Variants in FNIP1 observed in about 807,000 individuals in gnomAD.
FNIP1 encodes folliculin interacting protein 1.
FNIP1 carries 40 observed loss-of-function variants against 124.5 expected under a neutral mutation model. The observed-to-expected ratio is 0.32, with a 90% CI of 0.25 to 0.42. The LOEUF (loss-of-function observed/expected upper bound fraction) is 0.42, where lower values mean the gene tolerates loss of function less well. FNIP1 is among the 10% of genes least tolerant of loss of function. FNIP1 has a pLI of 1.00. For missense variants in FNIP1, 1,176 were observed against 1,403.7 expected (o/e 0.84, Z 2.59); for synonymous variants, 472 against 470.6 (o/e 1.00, Z -0.04).
At chr5:131,690,528 C>T (rs181780797) in intron 11 of FNIP1, among the ~76,000 whole-genome samples, 55 of 152,214 alleles carry the variant, frequency 3.6e-4, no homozygotes, top group African/African-American at 1.2e-3. Context: ...CCCCTTCGCT[C>T]GGCACTTTTC....
chr5:131,698,176 A>G (rs1257814783), intron 11 of FNIP1, among the ~76,000 whole-genome samples: 3 of 152,204 alleles, frequency 2.0e-5, no homozygotes, highest in African/African-American at 7.2e-5. Flanking sequence ...CACCAGAGGT[A>G]GTAAATGACA....
At chr5:131,773,739 A>G (rs1463595935) in intron 1 of FNIP1, among the ~76,000 whole-genome samples, 1 of 152,190 alleles carries the variant, frequency 6.6e-6, no homozygotes, top group Non-Finnish European at 1.5e-5. Context: ...TCTGACAACT[A>G]TCTCAACATA....
At chr5:131,765,588 A>C (rs575013142) in intron 1 of FNIP1, among the ~76,000 whole-genome samples, 1 of 152,376 alleles carries the variant, frequency 6.6e-6, no homozygotes, top group South Asian at 2.1e-4. Context: ...CATTTTAAAG[A>C]ATATTAAACC....
chr5:131,718,945 TC>T (rs768435008), intron 5 of FNIP1, 40 bp downstream of exon 5: 1 of 1,547,610 alleles, frequency 6.5e-7, no homozygotes, highest in East Asian at 2.3e-5. Flanking sequence ...ACTTTGCACA[TC>T]TAAAGTGATA....
intron 15 of FNIP1, among the ~76,000 whole-genome samples, chr5:131,660,144 G>A (rs149655145): frequency 7.2e-5 from 11 of 152,072 alleles, no homozygotes; most frequent in African/African-American, 1.7e-4. Flanking sequence ...GTGGATGGGC[G>A]GCAGAGTGGT....
rs1766763407 is a variant in FNIP1, at chr5:131,643,022, A to C, written c.*1663T>G. 6.6e-6 allele frequency: 1 copy of C among 152,352 alleles called. No homozygotes were observed. Among genetic ancestry groups the C allele is most frequent in the Non-Finnish European group, 1.5e-5 (1 of 68,048 alleles). 9.4% of individuals were successfully genotyped at this position (152,352 alleles called of 1,614,324 possible). Reference sequence around the variant, plus strand: ...ACAGAATAAGAAAATTAAGCCAAAGAAAATATATCCACAAACACTCCTTGG... The same window carrying C: ...ACAGAATAAGAAAATTAAGCCAAAGCAAATATATCCACAAACACTCCTTGG... On this transcript the variant is annotated 3_prime_UTR_variant, in exon 18 of 18. Coordinates refer to ENST00000510461, the MANE Select transcript of FNIP1 (RefSeq NM_133372.3).
In FNIP1 at chr5:131,676,297, G is replaced by C. The variant is rs1767910262; in HGVS notation, c.1519+1406C>G. The stretch of plus-strand genomic sequence containing the variant: ...CAAAGTGCTGAGATTACAGGCGTGA[G>C]CCACTGCACCCAGCCATTGTTTTGT... On this transcript the variant is annotated intron_variant, in intron 13 of 17. Coordinates refer to ENST00000510461, the MANE Select transcript of FNIP1 (RefSeq NM_133372.3). Among the ~76,000 whole-genome samples, 2 of 152,134 alleles carry C rather than the reference G, an allele frequency of 1.3e-5. 1 individual carries two copies. Among genetic ancestry groups the C allele is most frequent in the South Asian group, 4.1e-4 (2 of 4,828 alleles).
At chr5:131,732,875 G>C (rs947824653) in intron 2 of FNIP1, among the ~76,000 whole-genome samples, 1 of 152,190 alleles carries the variant, frequency 6.6e-6, no homozygotes, top group African/African-American at 2.4e-5. Context: ...GAAAGTCATT[G>C]ATAGCTTGAT....
chr5:131,716,676 A>G lies in FNIP1; in HGVS notation c.531-20T>C. 6.9e-7 allele frequency: 1 copy of G among 1,448,370 alleles called. No homozygotes were observed. Among genetic ancestry groups the G allele is most frequent in the East Asian group, 2.4e-5 (1 of 41,946 alleles). 89.7% of individuals were successfully genotyped at this position (1,448,370 alleles called of 1,614,324 possible). A position where few individuals can be genotyped will look rare whatever the true frequency, so the allele number is the denominator to read the frequency against. On this transcript the variant is annotated intron_variant, in intron 5 of 17. Coordinates refer to ENST00000510461, the MANE Select transcript of FNIP1 (RefSeq NM_133372.3). ...TGTAGCCTATGGAGGGTGAGAAGAA[A>G]ATTAATTCCAAATTCATTTTATGGT... is the stretch of plus-strand genomic sequence containing the variant.
At chr5:131,669,916 TC>T (rs1767702550) in intron 15 of FNIP1, among the ~76,000 whole-genome samples, 1 of 69,414 alleles carries the variant, frequency 1.4e-5, no homozygotes, top group Admixed American at 1.6e-4. Context: ...GTACAATGAG[TC>T]AAAAAAAAAA....
intron 1 of FNIP1, among the ~76,000 whole-genome samples, chr5:131,759,959 C>A (rs1771171116): frequency 6.6e-6 from 1 of 152,172 alleles, no homozygotes; most frequent in African/African-American, 2.4e-5. Flanking sequence ...CGGCTGGAAG[C>A]CATAATCCTA....
At chr5:131,781,433 T>A (rs552161731) in intron 1 of FNIP1, among the ~76,000 whole-genome samples, 61 of 152,346 alleles carry the variant, frequency 4.0e-4, no homozygotes, top group African/African-American at 1.4e-3. Context: ...GCTTCCAAGC[T>A]TTAAAGGACA....
At chr5:131,770,563 A>T (rs1189687863) in intron 1 of FNIP1, among the ~76,000 whole-genome samples, 1 of 152,204 alleles carries the variant, frequency 6.6e-6, no homozygotes, top group Non-Finnish European at 1.5e-5. Flanking sequence ...ACCAAGAATC[A>T]TTCCTCACAC....
At position 131,680,246 on chromosome 5, in the gene FNIP1, A is replaced by G. The variant is rs147105711; in HGVS notation, c.1203-1071T>C. Among the ~76,000 whole-genome samples, 1,273 of 152,310 alleles carry G rather than the reference A, an allele frequency of 8.4e-3. 23 individuals carry two copies. The highest frequency in any genetic ancestry group is 0.029 in the African/African-American group (1,189 of 41,558). Reference sequence around the variant, plus strand: ...CATAAATTCTAATACCAACCTCAGTATCACTGTCTGGTAACACCTAGGAGC... The same window carrying G: ...CATAAATTCTAATACCAACCTCAGTGTCACTGTCTGGTAACACCTAGGAGC... On this transcript the variant is annotated intron_variant, in intron 11 of 17. Transcript: ENST00000510461.
chr5:131,642,167 A>T lies in FNIP1; in HGVS notation c.*2518T>A, dbSNP rs1167346551. 1 of 152,756 alleles carries T rather than the reference A, an allele frequency of 6.5e-6. No homozygotes were observed. The highest frequency in any genetic ancestry group is 1.9e-4 in the East Asian group (1 of 5,334). 9.5% of individuals were successfully genotyped at this position (152,756 alleles called of 1,614,324 possible). On this transcript the variant is annotated 3_prime_UTR_variant, in exon 18 of 18. Coordinates refer to ENST00000510461, the MANE Select transcript of FNIP1 (RefSeq NM_133372.3). ...ACAACTGTCTGTACCATAACTTGTA[A>T]AAATTATTTAGAACAAGCCAAAACT...
At chr5:131,703,066 C>T (rs1768956217) in intron 10 of FNIP1, among the ~76,000 whole-genome samples, 2 of 152,138 alleles carry the variant, frequency 1.3e-5, no homozygotes, top group African/African-American at 2.4e-5. Flanking sequence ...TATAAAATAC[C>T]CATCTTCCTT....
At chr5:131,768,478 TTTA>T (rs755686556) in intron 1 of FNIP1, among the ~76,000 whole-genome samples, 12 of 151,768 alleles carry the variant, frequency 7.9e-5, no homozygotes, top group African/African-American at 2.4e-5. Flanking sequence ...TTTTTTTTTT[TTTA>T]AAAAGGGGGG....
chr5:131,662,766 G>C, intron 15 of FNIP1, among the ~76,000 whole-genome samples: 1 of 112,118 alleles, frequency 8.9e-6, no homozygotes, highest in African/African-American at 3.6e-5. Flanking sequence ...TTGAGATGGT[G>C]TCTCACTCTG....
intron 2 of FNIP1, 93 bp downstream of exon 2, chr5:131,744,471 C>A: frequency 8.0e-7 from 1 of 1,257,698 alleles, no homozygotes; most frequent in Non-Finnish European, 1.1e-6. Context: ...CAGTCATTTC[C>A]TTCTCCCTCA....
Sources: allele counts gnomAD v4.1 joint callset (sites outside exome capture counted in the v4.1 genomes callset), GRCh38; gene constraint gnomAD v4.1.1; transcripts MANE v1.5; gene names NCBI Gene and HGNC (gene_info 2026-07-23, HGNC 2026-07-21).